The following SDCCAG8 variants were observed in gnomAD, a reference collection of about 807,000 sequenced individuals.
The protein encoded by SDCCAG8 is SHH signaling and ciliogenesis regulator SDCCAG8.
A neutral mutation model predicts 101.8 loss-of-function variants in SDCCAG8; 74 were observed. The ratio of observed to expected loss-of-function variants is 0.73; its 90% CI spans 0.60 to 0.88. SDCCAG8 has a LOEUF of 0.88. Among genes scored for constraint, SDCCAG8 ranks in the 40% least tolerant of loss-of-function variants. The pLI is 0.00. For missense variants in SDCCAG8, 787 were observed against 822.6 expected, an observed-to-expected ratio of 0.96 and a Z score of 0.53; for synonymous variants, 281 against 292.9, an observed-to-expected ratio of 0.96 and a Z score of 0.41.
At chr1:243,293,384 AT>A in intron 6 of SDCCAG8, 165 bp downstream of exon 6, 1 of 796,586 alleles carries the variant, frequency 1.3e-6, no homozygotes, top group African/African-American at 1.7e-5. Context: ...AATCATAAAC[AT>A]TATCCATTTT....
chr1:243,376,737 C>T (rs1197266326), intron 12 of SDCCAG8, among the ~76,000 whole-genome samples: 3 of 151,948 alleles, frequency 2.0e-5, no homozygotes, highest in Non-Finnish European at 4.4e-5. Context: ...TTTTAAGTCC[C>T]TCCACTCCTC....
chr1:243,313,657 CAT>C (rs1371431642), intron 8 of SDCCAG8, among the ~76,000 whole-genome samples: 5 of 152,186 alleles, frequency 3.3e-5, no homozygotes, highest in Non-Finnish European at 5.9e-5. Flanking sequence ...TCCAAGCACT[CAT>C]AGAACATTTG....
chr1:243,479,086 T>C (rs956350152), intron 16 of SDCCAG8, among the ~76,000 whole-genome samples: 5 of 152,202 alleles, frequency 3.3e-5, no homozygotes, highest in African/African-American at 4.8e-5. Context: ...GATGGAATTA[T>C]GTAAAATGCC....
At chr1:243,361,842 T>C (rs932559468) in intron 12 of SDCCAG8, among the ~76,000 whole-genome samples, 40 of 152,260 alleles carry the variant, frequency 2.6e-4, no homozygotes, top group African/African-American at 8.9e-4. Flanking sequence ...AGTTTTTTAT[T>C]ATTTTATTGT....
intron 13 of SDCCAG8, among the ~76,000 whole-genome samples, chr1:243,379,247 A>G (rs2077790979): frequency 6.6e-6 from 1 of 152,208 alleles, no homozygotes; most frequent in African/African-American, 2.4e-5. Flanking sequence ...CAGTGGTGAG[A>G]GAGACAAAGT....
At chr1:243,402,698 TCCCACAATG>T (rs1406535821) in intron 13 of SDCCAG8, among the ~76,000 whole-genome samples, 1 of 152,164 alleles carries the variant, frequency 6.6e-6, no homozygotes, top group Admixed American at 6.5e-5. Flanking sequence ...TTTCCAGCTT[TCCCACAATG>T]CCCAGCAGAG....
intron 15 of SDCCAG8, among the ~76,000 whole-genome samples, chr1:243,425,162 C>T (rs2081258774): frequency 6.6e-6 from 1 of 152,000 alleles, no homozygotes; most frequent in African/African-American, 2.4e-5. Flanking sequence ...TGAGATAATC[C>T]ATGCTCTCAT....
chr1:243,397,836 G>C (rs1305255007), intron 13 of SDCCAG8, among the ~76,000 whole-genome samples: 1 of 152,220 alleles, frequency 6.6e-6, no homozygotes, highest in African/African-American at 2.4e-5. Flanking sequence ...ATACAGTGGA[G>C]CAAGAAATGA....
intron 12 of SDCCAG8, among the ~76,000 whole-genome samples, chr1:243,348,022 A>ATT (rs111584268): frequency 4.3e-5 from 5 of 117,062 alleles, no homozygotes; most frequent in South Asian, 2.7e-4. Flanking sequence ...CTGGACATGC[A>ATT]TTTTTTTTTT....
At chr1:243,301,735 C>T (rs958041702) in intron 6 of SDCCAG8, among the ~76,000 whole-genome samples, 1 of 151,750 alleles carries the variant, frequency 6.6e-6, no homozygotes, top group Non-Finnish European at 1.5e-5. Flanking sequence ...AAAAGCATAC[C>T]TGTAGACTCT....
At chr1:243,445,174 C>T (rs1212513797) in intron 16 of SDCCAG8, among the ~76,000 whole-genome samples, 2 of 152,138 alleles carry the variant, frequency 1.3e-5, no homozygotes, top group African/African-American at 4.8e-5. Context: ...CTCTGCCTGT[C>T]TTATATGACC....
intron 6 of SDCCAG8, among the ~76,000 whole-genome samples, chr1:243,297,168 A>G (rs151077389): frequency 7.0e-4 from 106 of 152,264 alleles, no homozygotes; most frequent in African/African-American, 2.3e-3. Flanking sequence ...TGTTTTTTCA[A>G]TGTTATATAA....
intron 13 of SDCCAG8, among the ~76,000 whole-genome samples, chr1:243,394,574 T>A (rs912881510): frequency 6.7e-6 from 1 of 148,592 alleles, no homozygotes; most frequent in African/African-American, 2.6e-5. Context: ...GAAAAACAAA[T>A]AAACCAGAGA....
At chr1:243,263,632 TC>T (rs746509269) in intron 1 of SDCCAG8, among the ~76,000 whole-genome samples, 3 of 152,174 alleles carry the variant, frequency 2.0e-5, no homozygotes, top group Non-Finnish European at 4.4e-5. Context: ...CACCCACATA[TC>T]TTTAATGGTC....
chr1:243,425,221 A>T (rs1229719481), intron 15 of SDCCAG8, among the ~76,000 whole-genome samples: 3 of 152,162 alleles, frequency 2.0e-5, no homozygotes, highest in African/African-American at 7.2e-5. Flanking sequence ...TTAAAAGAAT[A>T]AATTATAAGC....
intron 6 of SDCCAG8, among the ~76,000 whole-genome samples, chr1:243,302,217 G>A (rs1212579008): frequency 6.6e-6 from 1 of 152,124 alleles, no homozygotes; most frequent in Non-Finnish European, 1.5e-5. Context: ...CAGTGCATTC[G>A]AGCTTGGGTG....
chr1:243,397,920 C>T (rs146660597), intron 13 of SDCCAG8, among the ~76,000 whole-genome samples: 2,449 of 152,326 alleles, frequency 0.016, 37 homozygotes, highest in Non-Finnish European at 0.025. Context: ...CCTGCTAATA[C>T]TCTGTGTGGT....
intron 13 of SDCCAG8, among the ~76,000 whole-genome samples, chr1:243,400,593 G>A (rs1239902209): frequency 6.6e-6 from 1 of 152,196 alleles, no homozygotes; most frequent in Non-Finnish European, 1.5e-5. Flanking sequence ...ACAGTTAGCT[G>A]TGCCAGAGTC....
At chr1:243,288,423 G>A (rs904479103) in intron 5 of SDCCAG8, among the ~76,000 whole-genome samples, 3 of 151,836 alleles carry the variant, frequency 2.0e-5, no homozygotes, top group Non-Finnish European at 2.9e-5. Flanking sequence ...CCCTGATCAC[G>A]CCACTGCACT....
Sources: allele counts gnomAD v4.1 joint callset (sites outside exome capture counted in the v4.1 genomes callset), GRCh38; gene constraint gnomAD v4.1.1; transcripts MANE v1.5; gene names NCBI Gene and HGNC (gene_info 2026-07-23, HGNC 2026-07-21).